The following MBNL2 variants were observed in gnomAD, a reference collection of about 807,000 sequenced individuals.
MBNL2 encodes muscleblind like splicing regulator 2, also known as muscleblind-like protein 2.
In MBNL2, 17 loss-of-function variants were observed where a neutral mutation model predicts 41.9. That is an observed-to-expected ratio of 0.41 (90% CI 0.28 to 0.61). MBNL2 has a LOEUF of 0.61. MBNL2 is among the 20% of genes least tolerant of loss of function. The pLI is 0.35. For synonymous variants in MBNL2, 195 were observed against 182.9 expected, an observed-to-expected ratio of 1.07 and a Z score of -0.53; for missense variants, 336 against 505.6, an observed-to-expected ratio of 0.66 and a Z score of 3.22.
intron 5 of MBNL2, among the ~76,000 whole-genome samples, chr13:97,347,973 A>C (rs557759243): frequency 6.6e-6 from 1 of 152,036 alleles, no homozygotes; most frequent in Non-Finnish European, 1.5e-5. Flanking sequence ...AAACTTGGCT[A>C]CATTTTGGAA....
chr13:97,309,891 G>C (rs958959734), intron 2 of MBNL2, among the ~76,000 whole-genome samples: 2 of 152,228 alleles, frequency 1.3e-5, no homozygotes, highest in Non-Finnish European at 2.9e-5. Flanking sequence ...AAGAGTAGAA[G>C]TTCTTTCCCT....
chr13:97,188,673 T>C, the MBNL2 span, among the ~76,000 whole-genome samples: 1 of 150,412 alleles, frequency 6.6e-6, no homozygotes, highest in Non-Finnish European at 1.5e-5. Context: ...AAAGAGAACA[T>C]GCATGTTTGA....
rs1176769677 is a variant in MBNL2, at chr13:97,393,855, G to A, written c.*2406G>A. ...AGATATCAGTTCAACAAATACTGTAGTTAAGAGACTAACTCTCCACTTGTA... is the reference window on the plus strand; with the variant it reads ...AGATATCAGTTCAACAAATACTGTAATTAAGAGACTAACTCTCCACTTGTA... On this transcript the variant is annotated 3_prime_UTR_variant, in exon 9 of 9. Coordinates refer to ENST00000679496, the MANE Select transcript of MBNL2 (RefSeq NM_001382683.1). 1 of 152,484 alleles carries A rather than the reference G, an allele frequency of 6.6e-6. No homozygotes were observed. Among genetic ancestry groups the A allele is most frequent in the Non-Finnish European group, 1.5e-5 (1 of 67,988 alleles). The allele number at this position is 152,484 out of a possible 1,614,324, so 9.4% of individuals were successfully genotyped here.
the MBNL2 span, among the ~76,000 whole-genome samples, chr13:97,183,805 C>G: frequency 6.6e-6 from 1 of 152,222 alleles, no homozygotes; most frequent in African/African-American, 2.4e-5. Flanking sequence ...TATTGTTCCA[C>G]TTCCTCTGGC....
At chr13:97,373,692 A>G (rs190687935) in intron 8 of MBNL2, among the ~76,000 whole-genome samples, 15 of 151,892 alleles carry the variant, frequency 9.9e-5, no homozygotes, top group African/African-American at 3.4e-4. Flanking sequence ...TGAGAACAAT[A>G]TAGATGCACA....
rs75797353 is a variant in MBNL2, at chr13:97,343,067, G to T, written c.391G>T (p.Ala131Ser). ...AGGGACAAATACGGCTATTAGCTTT[G>T]CTCCTTACCTAGCACCTGTAACCCC... ...AIGTNTAISF[A>S]PYLAPVTPGV... Residue 131 changes from alanine to serine, a missense_variant, in exon 4 of 9, where the codon GCT (alanine) becomes TCT (serine). Coordinates refer to ENST00000679496, the MANE Select transcript of MBNL2 (RefSeq NM_001382683.1). 1 of 1,614,018 alleles carries T rather than the reference G, an allele frequency of 6.2e-7. No individual in the cohort carries two copies. The highest frequency in any genetic ancestry group is 8.5e-7 in the Non-Finnish European group (1 of 1,179,956).
the MBNL2 span, among the ~76,000 whole-genome samples, chr13:97,161,411 G>A: frequency 6.6e-6 from 1 of 152,100 alleles, no homozygotes; most frequent in African/African-American, 2.4e-5. Flanking sequence ...CCATGCCAGG[G>A]TTGGACTTCA....
At chr13:97,361,728 G>GAAAA (rs1366994311) in intron 7 of MBNL2, among the ~76,000 whole-genome samples, 26 of 135,658 alleles carry the variant, frequency 1.9e-4, no homozygotes, top group African/African-American at 6.5e-4. Context: ...TGGAATGAAA[G>GAAAA]AAAAATAAGA....
chr13:97,363,329 A>G (rs973676122), intron 7 of MBNL2, among the ~76,000 whole-genome samples: 1 of 152,038 alleles, frequency 6.6e-6, no homozygotes, highest in African/African-American at 2.4e-5. Flanking sequence ...AGGACCCAAG[A>G]CTGAGTCCTG....
chr13:97,246,586 G>A (rs1486473689), intron 1 of MBNL2, among the ~76,000 whole-genome samples: 2 of 152,136 alleles, frequency 1.3e-5, no homozygotes. Flanking sequence ...TAACTACTGC[G>A]AATAAACTTC....
At chr13:97,355,239 C>T (rs573036371) in intron 5 of MBNL2, among the ~76,000 whole-genome samples, 34 of 152,154 alleles carry the variant, frequency 2.2e-4, no homozygotes, top group African/African-American at 8.2e-4. Flanking sequence ...CTCCATTGGC[C>T]GTTCTAAATC....
chr13:97,365,530 G>A (rs1467981209), intron 8 of MBNL2, among the ~76,000 whole-genome samples: 1 of 152,202 alleles, frequency 6.6e-6, no homozygotes, highest in Non-Finnish European at 1.5e-5. Flanking sequence ...AAGTTTCATA[G>A]TGGTGTGCCT....
At chr13:97,372,216 G>A (rs1005149658) in intron 8 of MBNL2, among the ~76,000 whole-genome samples, 4 of 152,154 alleles carry the variant, frequency 2.6e-5, no homozygotes, top group Non-Finnish European at 5.9e-5. Context: ...AGAAGCTAAC[G>A]AAATCAGATT....
intron 8 of MBNL2, among the ~76,000 whole-genome samples, chr13:97,370,863 T>G (rs561774371): frequency 1.6e-4 from 25 of 152,092 alleles, no homozygotes; most frequent in Non-Finnish European, 3.4e-4. Flanking sequence ...CCTCTACTAA[T>G]CATCTCACAA....
At chr13:97,251,214 TCAA>T (rs1384387997) in intron 1 of MBNL2, among the ~76,000 whole-genome samples, 3 of 150,266 alleles carry the variant, frequency 2.0e-5, no homozygotes, top group Non-Finnish European at 3.0e-5. Flanking sequence ...GTTACTACAG[TCAA>T]CAATTTATTA....
chr13:97,181,294 G>A, the MBNL2 span, among the ~76,000 whole-genome samples: 1 of 152,056 alleles, frequency 6.6e-6, no homozygotes, highest in South Asian at 2.1e-4. Context: ...ATATTCACAG[G>A]TTCCTGGATT....
intron 2 of MBNL2, among the ~76,000 whole-genome samples, chr13:97,298,274 G>A (rs1035046169): frequency 2.6e-5 from 4 of 152,166 alleles, no homozygotes; most frequent in African/African-American, 4.8e-5. Context: ...AACTTCTGGA[G>A]CCATCTTTGG....
chr13:97,202,893 C>A, the MBNL2 span, among the ~76,000 whole-genome samples: 2 of 152,170 alleles, frequency 1.3e-5, no homozygotes, highest in Non-Finnish European at 2.9e-5. Flanking sequence ...TGGGGCTGGA[C>A]AATGTGCTGT....
chr13:97,378,063 A>T (rs181759513), intron 8 of MBNL2, among the ~76,000 whole-genome samples: 10 of 152,334 alleles, frequency 6.6e-5, no homozygotes, highest in Admixed American at 5.9e-4. Context: ...TGATCTAAGA[A>T]TTATTAATAA....
Sources: allele counts gnomAD v4.1 joint callset (sites outside exome capture counted in the v4.1 genomes callset), GRCh38; gene constraint gnomAD v4.1.1; transcripts MANE v1.5; gene names NCBI Gene and HGNC (gene_info 2026-07-23, HGNC 2026-07-21).